PTPRD: variants seen among roughly 807,000 people sequenced by gnomAD.
The protein encoded by PTPRD is receptor-type tyrosine-protein phosphatase delta.
PTPRD carries 34 observed loss-of-function variants against 214.5 expected under a neutral mutation model. The observed-to-expected ratio is 0.16, with a 90% CI of 0.12 to 0.21. PTPRD has a LOEUF of 0.21. Ranked by LOEUF, PTPRD falls within the 10% of genes least tolerant of loss-of-function variation. The probability of loss-of-function intolerance (pLI) is 1.00; values close to 1 mark genes in which losing one functional copy is unlikely to be tolerated. For synonymous variants in PTPRD, 1,128 were observed against 845.7 expected (o/e 1.33, Z -5.79); for missense variants, 2,545 against 2,398.7 (o/e 1.06, Z -1.27).
intron 3 of PTPRD, among the ~76,000 whole-genome samples, chr9:10,315,766 T>G (rs1161346267): frequency 6.6e-6 from 1 of 151,956 alleles, no homozygotes; most frequent in Non-Finnish European, 1.5e-5. Flanking sequence ...TGAGAAGAAT[T>G]AACCTTCCTT....
At chr9:8,645,770 T>C (rs2096673719) in intron 12 of PTPRD, among the ~76,000 whole-genome samples, 1 of 151,956 alleles carries the variant, frequency 6.6e-6, no homozygotes, top group Admixed American at 6.6e-5. Context: ...GCTTGAAAGA[T>C]TACCTTCCAG....
chr9:10,256,204 C>T (rs1181066042), intron 3 of PTPRD, among the ~76,000 whole-genome samples: 2 of 152,100 alleles, frequency 1.3e-5, no homozygotes, highest in Admixed American at 6.6e-5. Context: ...AAAACCAGTC[C>T]CTGGTGCCAA....
chr9:10,432,307 G>A, intron 2 of PTPRD, among the ~76,000 whole-genome samples: 1 of 112,052 alleles, frequency 8.9e-6, no homozygotes, highest in African/African-American at 3.4e-5. Context: ...GAGGGGGGAG[G>A]GATAGCATTG....
At chr9:9,935,503 G>C (rs2088877764) in intron 5 of PTPRD, among the ~76,000 whole-genome samples, 1 of 152,016 alleles carries the variant, frequency 6.6e-6, no homozygotes, top group Non-Finnish European at 1.5e-5. Flanking sequence ...AAAATACCTA[G>C]GAATTCAACT....
chr9:10,154,067 G>T (rs2154280558), intron 3 of PTPRD, among the ~76,000 whole-genome samples: 1 of 152,198 alleles, frequency 6.6e-6, no homozygotes, highest in Non-Finnish European at 1.5e-5. Context: ...TTCTACAATG[G>T]TTGAATTAAT....
At chr9:10,003,553 C>T (rs1227080564) in intron 4 of PTPRD, among the ~76,000 whole-genome samples, 1 of 151,500 alleles carries the variant, frequency 6.6e-6, no homozygotes, top group African/African-American at 2.4e-5. Context: ...AGAGAAAGTG[C>T]TATTATTAAA....
At chr9:10,063,225 G>T (rs1567431138) in intron 3 of PTPRD, among the ~76,000 whole-genome samples, 1 of 152,014 alleles carries the variant, frequency 6.6e-6, no homozygotes, top group Non-Finnish European at 1.5e-5. Flanking sequence ...TTCCACTTCT[G>T]TCAACGTTTT....
chr9:9,525,030 T>C (rs2073767310), intron 8 of PTPRD, among the ~76,000 whole-genome samples: 1 of 152,296 alleles, frequency 6.6e-6, no homozygotes, highest in East Asian at 1.9e-4. Context: ...GCTAATTTTT[T>C]GTATTTTTAG....
At chr9:9,897,173 A>C (rs1247911725) in intron 5 of PTPRD, among the ~76,000 whole-genome samples, 1 of 148,352 alleles carries the variant, frequency 6.7e-6, no homozygotes, top group Non-Finnish European at 1.5e-5. Flanking sequence ...GCTGCTAAAC[A>C]CCCCCTGGGG....
chr9:9,326,722 G>A (rs1182309750), intron 9 of PTPRD, among the ~76,000 whole-genome samples: 3 of 151,952 alleles, frequency 2.0e-5, no homozygotes, highest in East Asian at 3.9e-4. Context: ...GTCAGGGATT[G>A]AAGGTAGAAG....
intron 7 of PTPRD, among the ~76,000 whole-genome samples, chr9:9,698,768 C>A (rs2097431770): frequency 6.6e-6 from 1 of 152,096 alleles, no homozygotes; most frequent in African/African-American, 2.4e-5. Flanking sequence ...AATGGAGTAT[C>A]CATAAGTCTC....
intron 26 of PTPRD, among the ~76,000 whole-genome samples, chr9:8,493,989 GACACACACAGACACACAGAC>G (rs2097203557): frequency 8.4e-6 from 1 of 119,294 alleles, no homozygotes; most frequent in Non-Finnish European, 1.8e-5. Flanking sequence ...CACACACACA[GACACACACAGACACACAGAC>G]ACACACACAC....
intron 32 of PTPRD, 115 bp from the exon 33 acceptor site, chr9:8,460,686 G>T (rs1007700204): frequency 9.7e-7 from 1 of 1,027,576 alleles, no homozygotes; most frequent in African/African-American, 1.6e-5. Context: ...ATAAGTGTGT[G>T]ATGCAATATT....
chr9:9,600,263 G>A (rs1384830624), intron 7 of PTPRD, among the ~76,000 whole-genome samples: 1 of 152,102 alleles, frequency 6.6e-6, no homozygotes, highest in Non-Finnish European at 1.5e-5. Flanking sequence ...ATAATGGCAG[G>A]AGAGGAAGTA....
At chr9:9,390,831 C>T (rs925661803) in intron 9 of PTPRD, among the ~76,000 whole-genome samples, 2 of 152,100 alleles carry the variant, frequency 1.3e-5, no homozygotes, top group Non-Finnish European at 2.9e-5. Context: ...TTTGTTTCCT[C>T]ATCTGTGAAA....
intron 14 of PTPRD, among the ~76,000 whole-genome samples, chr9:8,561,205 G>A (rs1031564969): frequency 6.6e-6 from 1 of 152,014 alleles, no homozygotes; most frequent in Non-Finnish European, 1.5e-5. Flanking sequence ...CCACCTTTGA[G>A]TGGTGTCTTC....
chr9:9,100,481 T>G (rs2099789758), intron 10 of PTPRD, among the ~76,000 whole-genome samples: 1 of 152,158 alleles, frequency 6.6e-6, no homozygotes, highest in Non-Finnish European at 1.5e-5. Context: ...CATTTCTTCT[T>G]CTATGATGGA....
At chr9:10,499,988 C>G (rs981838437) in intron 2 of PTPRD, among the ~76,000 whole-genome samples, 3 of 151,762 alleles carry the variant, frequency 2.0e-5, no homozygotes, top group Non-Finnish European at 4.4e-5. Flanking sequence ...ATTGCCTGTG[C>G]CAGCTTTCTT....
rs576773553 is a variant in PTPRD, at chr9:9,358,463, G to C, written c.-203+38986C>G. ...ATATTCCTGGAAACATTTTAGCCTTGTTCATCCAGGAAGAATTTGGAAAAG... is the reference window on the plus strand; with the variant it reads ...ATATTCCTGGAAACATTTTAGCCTTCTTCATCCAGGAAGAATTTGGAAAAG... On this transcript the variant is annotated intron_variant, in intron 9 of 45. Transcript: ENST00000381196. Among the ~76,000 whole-genome samples the C allele has an allele frequency of 9.4e-4, 142 of 151,262 alleles. 1 individual carries two copies. Among genetic ancestry groups the C allele is most frequent in the Middle Eastern group, 3.4e-3 (1 of 294 alleles).
Sources: gnomAD v4.1 joint callset for allele counts (sites outside exome capture counted in the v4.1 genomes callset) on GRCh38, gnomAD v4.1.1 for gene constraint, MANE v1.5 for transcripts, NCBI Gene and HGNC (gene_info 2026-07-23, HGNC 2026-07-21) for gene names.